Variants in TRIM37 observed in about 807,000 individuals in gnomAD.
The protein encoded by TRIM37 is tripartite motif containing 37.
TRIM37 carries 80 observed loss-of-function variants against 129.8 expected under a neutral mutation model. The observed-to-expected ratio is 0.62, with a 90% CI of 0.51 to 0.74. The LOEUF (loss-of-function observed/expected upper bound fraction) is 0.74. Ranked by LOEUF, TRIM37 falls within the 30% of genes least tolerant of loss-of-function variation. TRIM37 has a pLI of 0.00. For synonymous variants in TRIM37, 389 were observed against 387.1 expected, an observed-to-expected ratio of 1.00 and a Z score of -0.06; for missense variants, 1,054 against 1,176.5, an observed-to-expected ratio of 0.90 and a Z score of 1.52.
At chr17:58,968,126 A>G in the TRIM37 span, among the ~76,000 whole-genome samples, 2 of 152,242 alleles carry the variant, frequency 1.3e-5, no homozygotes, top group Middle Eastern at 6.8e-3. Flanking sequence ...AGAGTTGTTT[A>G]ATCCGTCCTT....
chr17:59,042,440 AAAAAAAAAAATATAT>A (rs764667729), intron 16 of TRIM37, among the ~76,000 whole-genome samples: 3,775 of 65,348 alleles, frequency 0.058, 141 homozygotes, highest in Non-Finnish European at 0.077. Context: ...TTAAAAAAAA[AAAAAAAAAAATATAT>A]ATATATATAT....
chr17:58,972,946 T>C, the TRIM37 span: 11 of 1,589,826 alleles, frequency 6.9e-6, no homozygotes, highest in South Asian at 1.1e-5. Flanking sequence ...CAAATTTTTG[T>C]TTCTCCAAAC....
chr17:59,002,615 T>C (rs2033921471), intron 22 of TRIM37, among the ~76,000 whole-genome samples: 1 of 152,138 alleles, frequency 6.6e-6, no homozygotes, highest in Admixed American at 6.5e-5. Context: ...AACCTGAAAA[T>C]CTTTCTGCTA....
intron 24 of TRIM37, among the ~76,000 whole-genome samples, chr17:58,989,491 T>C (rs1045819496): frequency 6.6e-6 from 1 of 152,120 alleles, no homozygotes; most frequent in Non-Finnish European, 1.5e-5. Context: ...GTGGATACTA[T>C]GCAAGATCAT....
chr17:59,041,064 A>AC (rs2039099279), intron 17 of TRIM37, among the ~76,000 whole-genome samples: 1 of 152,212 alleles, frequency 6.6e-6, no homozygotes, highest in Non-Finnish European at 1.5e-5. Context: ...AAAAAAAAAA[A>AC]AGAATATGCC....
At chr17:59,091,043 G>A (rs2147280648) in intron 3 of TRIM37, among the ~76,000 whole-genome samples, 1 of 152,162 alleles carries the variant, frequency 6.6e-6, no homozygotes, top group South Asian at 2.1e-4. Flanking sequence ...AAAATTTGTT[G>A]CTTAATTATA....
chr17:59,079,069 C>A (rs987953936), intron 7 of TRIM37, among the ~76,000 whole-genome samples: 4 of 149,864 alleles, frequency 2.7e-5, no homozygotes, highest in South Asian at 4.2e-4. Context: ...AAAAAAAATT[C>A]TTTGTTCACA....
chr17:59,104,637 G>A, intron 1 of TRIM37: 1 of 633,020 alleles, frequency 1.6e-6, no homozygotes, highest in Non-Finnish European at 2.9e-6. Context: ...ACACAGACAT[G>A]CAGAAAAATT....
At chr17:58,980,181 G>A, downstream of TRIM37, 2 of 1,614,140 alleles carry the variant, frequency 1.2e-6, no homozygotes, top group Non-Finnish European at 1.7e-6. This position sits in a 1 kb window ranked among gnomAD's most constrained non-coding sequence, Gnocchi z 4.7. Context: ...GCATCAGCTC[G>A]TGATGCTGGG....
At chr17:58,982,367 C>T (rs1183692989), downstream of TRIM37, 1 of 152,354 alleles carries the variant, frequency 6.6e-6, no homozygotes, top group African/African-American at 2.4e-5. Context: ...CTCTGATTCT[C>T]TAAGAGTCAC....
intron 17 of TRIM37, among the ~76,000 whole-genome samples, chr17:59,033,679 G>C (rs1008715713): frequency 6.6e-6 from 1 of 152,076 alleles, no homozygotes; most frequent in Non-Finnish European, 1.5e-5. Flanking sequence ...CTCCCAAAGT[G>C]CTGGGATTAC....
the TRIM37 span, among the ~76,000 whole-genome samples, chr17:58,973,509 A>G: frequency 2.7e-5 from 4 of 149,168 alleles, no homozygotes; most frequent in Admixed American, 6.7e-5. Flanking sequence ...CAGTACCCAA[A>G]TCTGCTTCAA....
chr17:59,067,111 C>T (rs1261552384), intron 9 of TRIM37, among the ~76,000 whole-genome samples: 8 of 152,118 alleles, frequency 5.3e-5, no homozygotes, highest in Non-Finnish European at 2.9e-5. Flanking sequence ...GCGATCTCGG[C>T]TCACTGATTT....
intron 16 of TRIM37, among the ~76,000 whole-genome samples, chr17:59,042,726 G>A (rs2039388836): frequency 6.6e-6 from 1 of 151,710 alleles, no homozygotes; most frequent in Non-Finnish European, 1.5e-5. Flanking sequence ...TTGCACTACT[G>A]CACTTCAGCC....
At chr17:59,026,873 T>G (rs2037307800) in intron 19 of TRIM37, among the ~76,000 whole-genome samples, 1 of 152,232 alleles carries the variant, frequency 6.6e-6, no homozygotes, top group African/African-American at 2.4e-5. Context: ...CTCTACTTCT[T>G]GAGATGCATT....
chr17:59,079,252 A>G (rs1386161829), intron 7 of TRIM37, among the ~76,000 whole-genome samples: 1 of 152,178 alleles, frequency 6.6e-6, no homozygotes, highest in Non-Finnish European at 1.5e-5. Context: ...AGGCTCCACA[A>G]TCAAAGAAGA....
intron 2 of TRIM37, among the ~76,000 whole-genome samples, chr17:59,095,216 T>C (rs2044740119): frequency 6.6e-6 from 1 of 151,396 alleles, no homozygotes. Context: ...ACTCGGTCTC[T>C]TAAAAAAAAA....
chr17:59,102,377 G>A (rs1599602508), intron 2 of TRIM37, among the ~76,000 whole-genome samples: 3 of 152,144 alleles, frequency 2.0e-5, no homozygotes, highest in African/African-American at 2.4e-5. Flanking sequence ...AAAGAAATGC[G>A]CCCAGATCCA....
At chr17:59,099,925 T>C (rs1452571828) in intron 2 of TRIM37, among the ~76,000 whole-genome samples, 1 of 152,188 alleles carries the variant, frequency 6.6e-6, no homozygotes, top group East Asian at 1.9e-4. Context: ...TGCCTCAGGC[T>C]CCCAAGGAGC....
Sources: gnomAD v4.1 joint callset for allele counts (sites outside exome capture counted in the v4.1 genomes callset) on GRCh38, gnomAD v4.1.1 for gene constraint, Gnocchi (gnomAD v3.1) non-coding constraint, MANE v1.5 for transcripts, NCBI Gene and HGNC (gene_info 2026-07-23, HGNC 2026-07-21) for gene names.